The following COL20A1 variants were observed in gnomAD, a reference collection of about 807,000 sequenced individuals.
The protein encoded by COL20A1 is collagen type XX alpha 1 chain, also known as collagen alpha-1(XX) chain.
Under a neutral mutation model 152.9 loss-of-function variants are expected in COL20A1, and 164 were observed. That is an observed-to-expected ratio of 1.07 (90% CI 0.94 to 1.22). The LOEUF (loss-of-function observed/expected upper bound fraction) is 1.22, where lower values mean the gene tolerates loss of function less well. Ranked by LOEUF, COL20A1 falls within the 50% of genes most tolerant of loss-of-function variation. The pLI, the probability that COL20A1 is intolerant of heterozygous loss-of-function variation, is 0.00. For missense variants in COL20A1, 1,873 were observed against 1,744.8 expected (o/e 1.07, Z -1.31); for synonymous variants, 864 against 756.0 (o/e 1.14, Z -2.34).
At chr20:63,301,421 A>G (rs1601405111) in intron 3 of COL20A1, among the ~76,000 whole-genome samples, 1 of 152,232 alleles carries the variant, frequency 6.6e-6, no homozygotes, top group East Asian at 1.9e-4. Flanking sequence ...AGAGTTTTCT[A>G]ATGTTCTAAT....
intron 29 of COL20A1, 93 bp from the exon 30 acceptor site, chr20:63,326,003 A>G: frequency 1.8e-6 from 2 of 1,140,168 alleles, no homozygotes; most frequent in Non-Finnish European, 2.7e-6. Context: ...CTTGGGTTAC[A>G]GGGTGTGTTG....
intron 2 of COL20A1, 61 bp from the exon 3 acceptor site, chr20:63,297,849 C>G: frequency 7.6e-7 from 1 of 1,323,364 alleles, no homozygotes; most frequent in Non-Finnish European, 1.1e-6. Context: ...TGTACCCCCA[C>G]AGCTGATTAG....
Position 63,322,061 on chromosome 20 carries a change from CT to C in COL20A1, c.3245del (p.Leu1082ProfsTer55). ...AGCCCTGTTTGTGCCTCTGCAGGGC[CT>C]CCCTGGGAGGAATGGCACCCCAGGA... ...GPPGPQGPPG[L>X]PGRNGTPGEQ... On this transcript the variant is annotated frameshift_variant, in exon 27 of 36. Transcript: ENST00000358894. LOFTEE classifies it high-confidence loss of function. 1 of 1,508,246 alleles carries C rather than the reference CT, an allele frequency of 6.6e-7. No individual in the cohort carries two copies. Among genetic ancestry groups the C allele is most frequent in the Non-Finnish European group, 8.8e-7 (1 of 1,131,682 alleles). 93.4% of individuals were successfully genotyped at this position (1,508,246 alleles called of 1,614,324 possible).
chr20:63,298,048 T>G, intron 3 of COL20A1, 28 bp downstream of exon 3: 1 of 1,510,754 alleles, frequency 6.6e-7, no homozygotes, highest in Non-Finnish European at 9.1e-7. Context: ...CCAGGCCCCC[T>G]TCCCCATTAG....
chr20:63,311,583 C>T lies in COL20A1; in HGVS notation c.1540-42C>T, dbSNP rs1486207004. ...TGGCGGGGGAGGCAGAGGAGTGGGG[C>T]AGAGCGAGTGGGGGCTGGCCTGGGA... is the stretch of plus-strand genomic sequence containing the variant. On this transcript the variant is annotated intron_variant, in intron 12 of 35. Coordinates refer to ENST00000358894, the MANE Select transcript of COL20A1 (RefSeq NM_020882.4). This position sits in a 1 kb window ranked among gnomAD's most constrained non-coding sequence, Gnocchi z 4.4. The T allele has an allele frequency of 1.2e-5, 20 of 1,610,026 alleles. No individual in the cohort carries two copies. The highest frequency in any genetic ancestry group is 1.7e-5 in the Non-Finnish European group (20 of 1,179,312).
chr20:63,307,883 G>A lies in COL20A1; in HGVS notation c.656-88G>A, dbSNP rs770183523. ...TGGCCAGGTGACCCCACAGAGGCAC[G>A]TGCAGCTCTCAGGTGTGGCCTTGTG... On this transcript the variant is annotated intron_variant, in intron 6 of 35. Transcript: ENST00000358894. The A allele has an allele frequency of 2.5e-5, 37 of 1,495,396 alleles. 1 individual carries two copies. The highest frequency in any genetic ancestry group is 5.5e-5 in the African/African-American group (4 of 72,620). The allele number at this position is 1,495,396 out of a possible 1,614,324, so 92.6% of individuals were successfully genotyped here. A position where few individuals can be genotyped will look rare whatever the true frequency, so the allele number is the denominator to read the frequency against.
chr20:63,303,971 T>C (rs1727125978), intron 3 of COL20A1, among the ~76,000 whole-genome samples: 2 of 134,464 alleles, frequency 1.5e-5, no homozygotes, highest in African/African-American at 3.0e-5. Flanking sequence ...CTCCCTCCTC[T>C]TCTCCCTGCA....
intron 3 of COL20A1, among the ~76,000 whole-genome samples, chr20:63,303,825 G>A (rs967149222): frequency 1.1e-4 from 17 of 151,588 alleles, no homozygotes; most frequent in Non-Finnish European, 2.1e-4. Flanking sequence ...CCCTCCAGGT[G>A]TGCAGGTGCT....
chr20:63,334,034 G>GC lies in COL20A1; in HGVS notation c.*3324dup, dbSNP rs959336966. The stretch of plus-strand genomic sequence containing the variant: ...AGCACAGAGACGATGTCATAATACA[G>GC]CCCCCCATCGTGATCTGATGGTAAG... On this transcript the variant is annotated 3_prime_UTR_variant, in exon 36 of 36. Coordinates refer to ENST00000358894, the MANE Select transcript of COL20A1 (RefSeq NM_020882.4). 1.3e-5 allele frequency: 2 copies of GC among 152,218 alleles called. No homozygotes were observed. Among genetic ancestry groups the GC allele is most frequent in the African/African-American group, 2.4e-5 (1 of 41,428 alleles). The allele number at this position is 152,218 out of a possible 1,614,324, so 9.4% of individuals were successfully genotyped here.
Position 63,327,458 on chromosome 20 carries a change from C to T in COL20A1, c.3529-494C>T, listed in dbSNP as rs1415058822. The T allele has an allele frequency of 2.7e-5, 5 of 182,718 alleles. No individual in the cohort carries two copies. In the East Asian group the frequency reaches 7.4e-4, roughly 27 times the overall value. The allele number at this position is 182,718 out of a possible 1,614,324, so 11.3% of individuals were successfully genotyped here. A position where few individuals can be genotyped will look rare whatever the true frequency, so the allele number is the denominator to read the frequency against. Reference sequence around the variant, plus strand: ...GCAGGCTCCATGGAGGGTAGGGGGACAGACGTGGGAGATGGGGGTGTAGTG... The same window carrying T: ...GCAGGCTCCATGGAGGGTAGGGGGATAGACGTGGGAGATGGGGGTGTAGTG... On this transcript the variant is annotated intron_variant, in intron 31 of 35. Transcript: ENST00000358894.
chr20:63,315,484 CG>C lies in COL20A1; in HGVS notation c.2524+48del, dbSNP rs940134938. The C allele has an allele frequency of 1.4e-5, 22 of 1,518,700 alleles. No homozygotes were observed. In the Middle Eastern group the frequency reaches 5.1e-4, roughly 35 times the overall value. The allele number at this position is 1,518,700 out of a possible 1,614,324, so 94.1% of individuals were successfully genotyped here. On this transcript the variant is annotated intron_variant, in intron 20 of 35. Coordinates refer to ENST00000358894, the MANE Select transcript of COL20A1 (RefSeq NM_020882.4). The stretch of plus-strand genomic sequence containing the variant: ...CCCTGCCTGCCCACCCACAGTCTCT[CG>C]GGCTCTTCCTGGGCGTGGGGGCCAA...
intron 30 of COL20A1, 34 bp downstream of exon 30, chr20:63,326,183 C>A (rs769264222): frequency 6.4e-7 from 1 of 1,563,366 alleles, no homozygotes; most frequent in South Asian, 1.1e-5. Context: ...CCGACCCCCA[C>A]CCAGGGTTCC....
intron 2 of COL20A1, among the ~76,000 whole-genome samples, chr20:63,295,619 G>A (rs942130686): frequency 3.3e-5 from 5 of 152,030 alleles, no homozygotes; most frequent in African/African-American, 7.2e-5. Context: ...CACCCCCTCC[G>A]TGCGCATCCC....
At position 63,305,989 on chromosome 20, in the gene COL20A1, C is replaced by T. The variant is rs751167506; in HGVS notation, c.446C>T (p.Ala149Val). The T allele has an allele frequency of 2.5e-6, 4 of 1,612,622 alleles. No homozygotes were observed. The Admixed American group carries it at 5.0e-5, about 20-fold the overall frequency. The change falls in exon 5 of 36, where the codon GCT becomes GTT. Residue 149 changes from alanine (A) to valine (V), a missense_variant. Ala to Val is a moderately conservative substitution (Grantham distance 64, BLOSUM62 0). Coordinates refer to ENST00000358894, the MANE Select transcript of COL20A1 (RefSeq NM_020882.4). The surrounding 1 kb of genome is among the most constrained non-coding windows in gnomAD (Gnocchi z 4.9). The part of the protein sequence containing the change: ...SHTGSPDPEQ[A>V]SEPQVAFTPS... ...ACGGGGAGCCCAGACCCTGAGCAGG[C>T]TTCTGAGCCCCAAGTTGCCTTCACA...
intron 7 of COL20A1, 54 bp downstream of exon 7, chr20:63,308,144 G>GC: frequency 6.3e-7 from 1 of 1,594,728 alleles, no homozygotes; most frequent in Non-Finnish European, 8.6e-7. Context: ...TCCTTCTGCC[G>GC]CCCTCCCAGA....
intron 3 of COL20A1, among the ~76,000 whole-genome samples, chr20:63,304,653 C>T (rs1201433504): frequency 1.3e-5 from 2 of 148,726 alleles, no homozygotes; most frequent in Non-Finnish European, 3.0e-5. Flanking sequence ...CCCTCCCTTC[C>T]TCCCTCCAGG....
At chr20:63,324,170 A>AC (rs1469798359) in intron 27 of COL20A1, 2 of 152,230 alleles carry the variant, frequency 1.3e-5, no homozygotes, top group Non-Finnish European at 2.9e-5. Flanking sequence ...ACTGGCCGTG[A>AC]CCGCTGTGTA....
chr20:63,310,146 G>T (rs2067985645), intron 10 of COL20A1, among the ~76,000 whole-genome samples: 1 of 152,150 alleles, frequency 6.6e-6, no homozygotes, highest in African/African-American at 2.4e-5. Flanking sequence ...CGTTCCGAGG[G>T]TGCTGGGGTT....
chr20:63,326,698 G>C, intron 30 of COL20A1, 54 bp from the exon 31 acceptor site: 1 of 1,244,132 alleles, frequency 8.0e-7, no homozygotes, highest in East Asian at 3.1e-5. Flanking sequence ...GGGCTGAAGT[G>C]GGAGCAGATT....
Sources: allele counts gnomAD v4.1 joint callset (sites outside exome capture counted in the v4.1 genomes callset), GRCh38; gene constraint gnomAD v4.1.1; non-coding constraint Gnocchi (gnomAD v3.1); transcripts MANE v1.5; gene names NCBI Gene and HGNC (gene_info 2026-07-23, HGNC 2026-07-21).